Variants in ALKAL1 observed in about 807,000 individuals in gnomAD.
ALKAL1 encodes the protein ALK and LTK ligand 1, also known as AUG-beta.
A neutral mutation model predicts 13.5 loss-of-function variants in ALKAL1; 23 were observed. The observed-to-expected ratio is 1.70, with a 90% CI of 1.23 to 2.41. The LOEUF is 2.41. Among genes scored for constraint, ALKAL1 ranks in the 30% most tolerant of loss-of-function variants. The pLI, the probability that ALKAL1 is intolerant of heterozygous loss-of-function variation, is 0.00. For synonymous variants in ALKAL1, 85 were observed against 77.7 expected, an observed-to-expected ratio of 1.09 and a Z score of -0.49; for missense variants, 181 against 178.4, an observed-to-expected ratio of 1.01 and a Z score of -0.08.
Position 52,542,443 on chromosome 8 carries a change from T to C in ALKAL1, c.193A>G (p.Ile65Val). Reference sequence around the variant, plus strand: ...TTTAAGTTAGAGTCTCTTGGGAATATTTCTGAAAAGAAAAAAAAAACCATC... The same window carrying C: ...TTTAAGTTAGAGTCTCTTGGGAATACTTCTGAAAAGAAAAAAAAAACCATC... ...RTPSGSRSAE[I>V]FPRDSNLKDK... Residue 65 changes from isoleucine to valine, a missense_variant and splice_region_variant, in exon 2 of 5, where the codon ATA (isoleucine) becomes GTA (valine). Ile to Val is a conservative substitution (Grantham distance 29). Coordinates refer to ENST00000358543, the MANE Select transcript of ALKAL1 (RefSeq NM_207413.4). 1 of 1,526,280 alleles carries C rather than the reference T, an allele frequency of 6.6e-7. No homozygotes were observed. Among genetic ancestry groups the C allele is most frequent in the Middle Eastern group, 1.7e-4 (1 of 5,790 alleles). 94.5% of individuals were successfully genotyped at this position (1,526,280 alleles called of 1,614,324 possible). A position where few individuals can be genotyped will look rare whatever the true frequency, so the allele number is the denominator to read the frequency against.
chr8:52,542,261 C>G, intron 2 of ALKAL1, 131 bp downstream of exon 2: 1 of 604,120 alleles, frequency 1.7e-6, no homozygotes, highest in South Asian at 2.3e-5. Flanking sequence ...TTAGTAGCAT[C>G]CGTCCATCTC....
intron 4 of ALKAL1, among the ~76,000 whole-genome samples, 192 bp downstream of exon 4, chr8:52,538,237 AAG>A (rs1188759866): frequency 6.6e-6 from 1 of 152,156 alleles, no homozygotes; most frequent in Non-Finnish European, 1.5e-5. Flanking sequence ...TATTTTTTTA[AAG>A]CTGCAAAAGA....
intron 1 of ALKAL1, among the ~76,000 whole-genome samples, chr8:52,563,562 T>C (rs576305364): frequency 4.3e-4 from 66 of 152,390 alleles, no homozygotes; most frequent in African/African-American, 1.5e-3. Context: ...TCCATGTTTC[T>C]GTACTTTGAG....
intron 1 of ALKAL1, among the ~76,000 whole-genome samples, chr8:52,555,078 G>T (rs571597762): frequency 6.6e-6 from 1 of 152,032 alleles, no homozygotes; most frequent in Non-Finnish European, 1.5e-5. Context: ...GGCTGAGGCA[G>T]GAGAATGGTG....
intron 4 of ALKAL1, among the ~76,000 whole-genome samples, chr8:52,536,631 T>C (rs1847269215): frequency 6.6e-6 from 1 of 152,192 alleles, no homozygotes; most frequent in South Asian, 2.1e-4. Flanking sequence ...TACAATATCT[T>C]CTCTCTGTTT....
Position 52,539,869 on chromosome 8 carries a change from C to T in ALKAL1, c.287G>A (p.Arg96Gln), listed in dbSNP as rs145116532. The T allele has an allele frequency of 2.5e-5, 41 of 1,613,118 alleles. No individual in the cohort carries two copies. The highest frequency in any genetic ancestry group is 6.7e-5 in the East Asian group (3 of 44,860). The stretch of plus-strand genomic sequence containing the variant: ...GCACTCCCTGGTATTGTAATAGAGT[C>T]GGTGGAAATGTTTGCTGCATTCTGG... ...FSPECSKHFH[R>Q]LYYNTRECST... Residue 96 changes from arginine to glutamine, a missense_variant, in exon 3 of 5, where the codon CGA (arginine) becomes CAA (glutamine). Transcript: ENST00000358543.
chr8:52,555,172 GA>G (rs1228769801), intron 1 of ALKAL1, among the ~76,000 whole-genome samples: 237 of 110,046 alleles, frequency 2.2e-3, no homozygotes, highest in Middle Eastern at 0.016. Flanking sequence ...CTCTGTCTCA[GA>G]AAAAAAAAAA....
intron 3 of ALKAL1, among the ~76,000 whole-genome samples, chr8:52,539,142 A>G (rs1847289915): frequency 6.6e-6 from 1 of 152,184 alleles, no homozygotes; most frequent in Non-Finnish European, 1.5e-5. Context: ...ACAACTTAAC[A>G]TGCTGAGTAA....
chr8:52,542,763 T>A (rs1563320480), intron 1 of ALKAL1, among the ~76,000 whole-genome samples: 1 of 152,244 alleles, frequency 6.6e-6, no homozygotes, highest in African/African-American at 2.4e-5. Flanking sequence ...CTGACTGAAG[T>A]GGCATCACTC....
At chr8:52,564,468 C>G (rs1847580617) in intron 1 of ALKAL1, among the ~76,000 whole-genome samples, 1 of 152,172 alleles carries the variant, frequency 6.6e-6, no homozygotes, top group Non-Finnish European at 1.5e-5. Flanking sequence ...CTCATTCCTT[C>G]CACTCCCCTC....
chr8:52,539,578 C>T (rs539774659), intron 3 of ALKAL1, among the ~76,000 whole-genome samples: 1 of 152,096 alleles, frequency 6.6e-6, no homozygotes, highest in African/African-American at 2.4e-5. Context: ...TAAATCCTAA[C>T]AAACACTTTA....
chr8:52,564,912 G>T (rs1847584664), intron 1 of ALKAL1, among the ~76,000 whole-genome samples, 155 bp downstream of exon 1: 1 of 152,154 alleles, frequency 6.6e-6, no homozygotes, highest in Non-Finnish European at 1.5e-5. Flanking sequence ...ATTCGCTTAC[G>T]ACCTCTTTCC....
At chr8:52,544,513 T>A (rs1478215266) in intron 1 of ALKAL1, among the ~76,000 whole-genome samples, 3 of 152,148 alleles carry the variant, frequency 2.0e-5, no homozygotes, top group Non-Finnish European at 4.4e-5. Flanking sequence ...ACAAACTTTG[T>A]GCTTAATTCT....
chr8:52,536,453 C>T (rs1847267710), intron 4 of ALKAL1, among the ~76,000 whole-genome samples: 1 of 152,198 alleles, frequency 6.6e-6, no homozygotes, highest in South Asian at 2.1e-4. Flanking sequence ...AATTTACATT[C>T]AATTTATTTA....
At chr8:52,551,850 A>C (rs1847434039) in intron 1 of ALKAL1, among the ~76,000 whole-genome samples, 1 of 152,206 alleles carries the variant, frequency 6.6e-6, no homozygotes, top group African/African-American at 2.4e-5. Context: ...TTTTAAAATA[A>C]GTCTTTTATT....
chr8:52,557,626 T>C (rs1439747512), intron 1 of ALKAL1, among the ~76,000 whole-genome samples: 1 of 152,228 alleles, frequency 6.6e-6, no homozygotes, highest in Non-Finnish European at 1.5e-5. Context: ...AAACAGAGCC[T>C]ACCAAGCGTG....
chr8:52,554,116 C>T (rs551703061), intron 1 of ALKAL1, among the ~76,000 whole-genome samples: 5 of 152,186 alleles, frequency 3.3e-5, no homozygotes, highest in Admixed American at 2.6e-4. Flanking sequence ...CCCAGCTACT[C>T]GGGAGGCTGA....
intron 4 of ALKAL1, among the ~76,000 whole-genome samples, chr8:52,535,800 G>A (rs948359902): frequency 1.3e-5 from 2 of 152,198 alleles, no homozygotes; most frequent in Admixed American, 6.5e-5. Flanking sequence ...GATAGGTCAA[G>A]ATTGTCTCAG....
At chr8:52,549,051 T>C (rs1030045207) in intron 1 of ALKAL1, among the ~76,000 whole-genome samples, 4 of 152,186 alleles carry the variant, frequency 2.6e-5, no homozygotes, top group Non-Finnish European at 5.9e-5. Context: ...CTATCTTCCA[T>C]AAAGATAATT....
Sources: allele counts gnomAD v4.1 joint callset (sites outside exome capture counted in the v4.1 genomes callset), GRCh38; gene constraint gnomAD v4.1.1; transcripts MANE v1.5; gene names NCBI Gene and HGNC (gene_info 2026-07-23, HGNC 2026-07-21).